KIF18B: variants seen among roughly 807,000 people sequenced by gnomAD.
KIF18B encodes kinesin family member 18B, also known as kinesin-like protein KIF18B.
Under a neutral mutation model 80.9 loss-of-function variants are expected in KIF18B, and 49 were observed. The observed-to-expected ratio is 0.61, with a 90% CI of 0.48 to 0.77. KIF18B has a LOEUF of 0.77. Ranked by LOEUF, KIF18B falls within the 30% of genes least tolerant of loss-of-function variation. KIF18B has a pLI of 0.00. For synonymous variants in KIF18B, 439 were observed against 463.9 expected (o/e 0.95, Z 0.69); for missense variants, 994 against 1,127.7 (o/e 0.88, Z 1.70).
At chr17:44,937,073 G>A (rs1348994643) in intron 1 of KIF18B, among the ~76,000 whole-genome samples, 1 of 148,864 alleles carries the variant, frequency 6.7e-6, no homozygotes, top group Non-Finnish European at 1.5e-5. Flanking sequence ...TTGGGCCAGT[G>A]CCACACTGTT....
At chr17:44,932,806 C>T in intron 8 of KIF18B, 33 bp from the exon 9 acceptor site, 2 of 1,596,450 alleles carry the variant, frequency 1.3e-6, no homozygotes, top group Non-Finnish European at 1.7e-6. Flanking sequence ...CCTGAGAGCC[C>T]CAGCTAAGCA....
At chr17:44,939,792 A>G (rs1334998530) in intron 1 of KIF18B, among the ~76,000 whole-genome samples, 2 of 152,116 alleles carry the variant, frequency 1.3e-5, no homozygotes, top group Admixed American at 6.6e-5. Context: ...GATCTTTGCT[A>G]TATTATGAAT....
Position 44,926,169 on chromosome 17 carries a change from G to A in KIF18B, c.2470C>T (p.Leu824=), listed in dbSNP as rs1302860032. ...CCATTCCTCCGGTTGCTAGGGCACA[G>A]GGGACTCAAGGGCAGCTCTGCAGGC... The part of the protein sequence containing the change: ...LVLPELPLSP[L]CPSNRRNGKD... The change falls in exon 16 of 16, where the codon CTG becomes TTG. Residue 824 remains leucine, a synonymous_variant. Transcript: ENST00000593135. 7 of 1,613,790 alleles carry A rather than the reference G, an allele frequency of 4.3e-6. No individual in the cohort carries two copies. The highest frequency in any genetic ancestry group is 5.9e-6 in the Non-Finnish European group (7 of 1,179,870).
intron 1 of KIF18B, among the ~76,000 whole-genome samples, chr17:44,942,412 C>T (rs1446282156): frequency 1.3e-5 from 2 of 152,166 alleles, no homozygotes; most frequent in Non-Finnish European, 2.9e-5. Context: ...GTCCAGTGAG[C>T]CCAAGCTCCT....
At position 44,936,358 on chromosome 17, in the gene KIF18B, C is replaced by A. The variant is rs768562372; in HGVS notation, c.-14G>T. 5.0e-6 allele frequency: 8 copies of A among 1,592,410 alleles called. No homozygotes were observed. The Admixed American group carries it at 1.1e-4, about 21-fold the overall frequency. On this transcript the variant is annotated splice_region_variant and 5_prime_UTR_variant, in exon 2 of 16. Coordinates refer to ENST00000593135, the MANE Select transcript of KIF18B (RefSeq NM_001265577.2). Reference sequence around the variant, plus strand: ...CTCCACTGCCATCACTGTGGTGACACCTGGGTGAGACATGGTGGAGCTGAG... The same window carrying A: ...CTCCACTGCCATCACTGTGGTGACAACTGGGTGAGACATGGTGGAGCTGAG...
chr17:44,936,598 C>CTCTCTCTATATA (rs1183735794), intron 1 of KIF18B, among the ~76,000 whole-genome samples: 4 of 27,852 alleles, frequency 1.4e-4, no homozygotes, highest in Non-Finnish European at 1.9e-4. Flanking sequence ...CTCTCTCTCT[C>CTCTCTCTATATA]TATATATATA....
intron 7 of KIF18B, among the ~76,000 whole-genome samples, chr17:44,933,273 C>T (rs566884582): frequency 2.2e-4 from 33 of 151,934 alleles, no homozygotes; most frequent in Non-Finnish European, 4.3e-4. Context: ...AGGGGTCAAG[C>T]AGATGTGGCA....
intron 1 of KIF18B, among the ~76,000 whole-genome samples, chr17:44,945,690 A>G (rs1351731850): frequency 3.3e-5 from 5 of 151,936 alleles, no homozygotes; most frequent in Non-Finnish European, 5.9e-5. Flanking sequence ...GGATCACCTG[A>G]CGTCAGGAGT....
intron 1 of KIF18B, among the ~76,000 whole-genome samples, chr17:44,944,616 T>C (rs1457170659): frequency 1.3e-5 from 2 of 152,242 alleles, no homozygotes; most frequent in Non-Finnish European, 2.9e-5. Flanking sequence ...CTCTTTTTTA[T>C]AGGGACGGTT....
chr17:44,936,253 T>C lies in KIF18B; in HGVS notation c.92A>G (p.Gln31Arg). The C allele has an allele frequency of 6.2e-7, 1 of 1,610,804 alleles. No homozygotes were observed. The highest frequency in any genetic ancestry group is 8.5e-7 in the Non-Finnish European group (1 of 1,179,162). ...CACCAGCACCCGCTCGTCCACCACC[T>C]GAACCACTGGCCGCCGCTGACTGTC... Reference protein sequence around the residue: ...ELDSQRRPVVQVVDERVLVFN... With the variant: ...ELDSQRRPVVRVVDERVLVFN... The change falls in exon 2 of 16, where the codon CAG becomes CGG. Residue 31 changes from glutamine to arginine, a missense_variant. Coordinates refer to ENST00000593135, the MANE Select transcript of KIF18B (RefSeq NM_001265577.2).
In KIF18B at chr17:44,934,571, C is replaced by A. The variant is rs201930866; in HGVS notation, c.623G>T (p.Arg208Leu). The change falls in exon 5 of 16, where the codon CGT (arginine) becomes CTT (leucine). Residue 208 changes from arginine (R) to leucine (L), a missense_variant. By Grantham distance (102) the Arg-to-Leu change is moderately radical. Transcript: ENST00000593135. The surrounding 1 kb of genome is among the most constrained non-coding windows in gnomAD (Gnocchi z 5.4). ...ATCAGTGGGGTGCTGCGTGCGGTTACGGTTCCCCCTGGTCAGTATCTCCAG... is the reference window on the plus strand; with the variant it reads ...ATCAGTGGGGTGCTGCGTGCGGTTAAGGTTCCCCCTGGTCAGTATCTCCAG... The part of the protein sequence containing the change: ...QLLEILTRGN[R>L]NRTQHPTDAN... 1 of 1,612,712 alleles carries A rather than the reference C, an allele frequency of 6.2e-7. No individual in the cohort carries two copies. Among genetic ancestry groups the A allele is most frequent in the Non-Finnish European group, 8.5e-7 (1 of 1,179,432 alleles).
intron 9 of KIF18B, 74 bp from the exon 10 acceptor site, chr17:44,932,280 G>A (rs1256266755): frequency 6.7e-7 from 1 of 1,494,858 alleles, no homozygotes; most frequent in South Asian, 1.3e-5. Flanking sequence ...CAGGATGTGG[G>A]CCAGGTGGGA....
At position 44,934,290 on chromosome 17, in the gene KIF18B, G is replaced by C. The variant is rs748709661; in HGVS notation, c.828C>G (p.Asn276Lys). ...TGAGCGCCAGCAGAGAGCGGTTGATGTTGGCCCCCTCCCGCAGCCGCTCCC... is the reference window on the plus strand; with the variant it reads ...TGAGCGCCAGCAGAGAGCGGTTGATCTTGGCCCCCTCCCGCAGCCGCTCCC... Reference protein sequence around the residue: ...AKGERLREGANINRSLLALIN... With the variant: ...AKGERLREGAKINRSLLALIN... Residue 276 changes from asparagine (N) to lysine (K), a missense_variant, in exon 6 of 16, where the codon AAC (asparagine) becomes AAG (lysine). Coordinates refer to ENST00000593135, the MANE Select transcript of KIF18B (RefSeq NM_001265577.2). The surrounding 1 kb of genome is among the most constrained non-coding windows in gnomAD (Gnocchi z 5.4). 6.2e-7 allele frequency: 1 copy of C among 1,613,314 alleles called. No individual in the cohort carries two copies. Among genetic ancestry groups the C allele is most frequent in the East Asian group, 2.2e-5 (1 of 44,870 alleles).
At chr17:44,939,710 T>A (rs1289958006) in intron 1 of KIF18B, among the ~76,000 whole-genome samples, 1 of 152,226 alleles carries the variant, frequency 6.6e-6, no homozygotes, top group African/African-American at 2.4e-5. Flanking sequence ...TTACAGTCTT[T>A]AGTAAAATTT....
chr17:44,946,332 A>G (rs8070376), intron 1 of KIF18B, among the ~76,000 whole-genome samples: 89,632 of 151,994 alleles, frequency 0.59, 28,658 homozygotes, highest in African/African-American at 0.86. Context: ...AACTCTCTAG[A>G]GGTAGGGAAA....
rs528668469 is a variant in KIF18B, at chr17:44,928,458, C to T, written c.1844G>A (p.Cys615Tyr). 1.8e-5 allele frequency: 27 copies of T among 1,533,640 alleles called. No homozygotes were observed. The South Asian group carries it at 3.0e-4, about 17-fold the overall frequency. The change falls in exon 13 of 16, where the codon TGC (cysteine) becomes TAC (tyrosine). Residue 615 changes from cysteine to tyrosine, a missense_variant. Cys to Tyr is a radical substitution (Grantham distance 194, BLOSUM62 -2). Coordinates refer to ENST00000593135, the MANE Select transcript of KIF18B (RefSeq NM_001265577.2). ...HTLGIPPGPN[C>Y]TPAQGSRWPM... is the part of the protein sequence containing the mutation. ...CCATCGGGACCCCTGGGCTGGGGTG[C>T]AGTTGGGTCCAGGCGGGATTCCCAG... is the stretch of plus-strand genomic sequence containing the variant.
At chr17:44,946,030 G>A (rs1021257522) in intron 1 of KIF18B, among the ~76,000 whole-genome samples, 65 of 151,198 alleles carry the variant, frequency 4.3e-4, no homozygotes, top group African/African-American at 1.5e-3. Context: ...GACCAGCCTG[G>A]GCAACATAGG....
intron 11 of KIF18B, among the ~76,000 whole-genome samples, chr17:44,929,769 C>T (rs765543463): frequency 4.6e-5 from 7 of 152,094 alleles, no homozygotes; most frequent in Admixed American, 1.3e-4. Context: ...CCCTCAAAAA[C>T]GCATTCCGTC....
chr17:44,941,130 G>A, intron 1 of KIF18B, among the ~76,000 whole-genome samples: 1 of 152,112 alleles, frequency 6.6e-6, no homozygotes, highest in Non-Finnish European at 1.5e-5. Context: ...AGGTCTCAAT[G>A]CTAGTGAGTG....
Sources: gnomAD v4.1 joint callset for allele counts (sites outside exome capture counted in the v4.1 genomes callset) on GRCh38, gnomAD v4.1.1 for gene constraint, Gnocchi (gnomAD v3.1) non-coding constraint, MANE v1.5 for transcripts, NCBI Gene and HGNC (gene_info 2026-07-23, HGNC 2026-07-21) for gene names.